Variants in KDM6B observed in about 807,000 individuals in gnomAD.
KDM6B encodes lysine-specific demethylase 6B.
In KDM6B, 22 loss-of-function variants were observed where a neutral mutation model predicts 150.4. The observed-to-expected ratio is 0.15, with a 90% CI of 0.10 to 0.21. KDM6B has a LOEUF of 0.21. Ranked by LOEUF, KDM6B falls within the 10% of genes least tolerant of loss-of-function variation. KDM6B has a pLI of 1.00. For synonymous variants in KDM6B, 1,148 were observed against 921.1 expected, an observed-to-expected ratio of 1.25 and a Z score of -4.46; for missense variants, 1,984 against 2,234.3, an observed-to-expected ratio of 0.89 and a Z score of 2.26.
Position 7,851,727 on chromosome 17 carries a change from G to T in KDM6B, c.4096G>T (p.Val1366Leu). Residue 1366 changes from valine to leucine, a missense_variant, in exon 18 of 24, where the codon GTG becomes TTG. By Grantham distance (32) the Val-to-Leu change is conservative. Coordinates refer to ENST00000448097, the MANE Select transcript of KDM6B (RefSeq NM_001348716.2). ...VTSTGNMLSH[V>L]GHTILGMNTV... is the part of the protein sequence containing the mutation. ...ATCCACGGGCAACATGCTGAGCCAC[G>T]TGGGCCACACCATCCTGGGCATGAA... 6.4e-7 allele frequency: 1 copy of T among 1,558,894 alleles called. No individual in the cohort carries two copies.
chr17:7,840,475 C>T (rs55977787), intron 2 of KDM6B: 10,294 of 152,236 alleles, frequency 0.068, 691 homozygotes, highest in East Asian at 0.37. Context: ...CCAGCCACAG[C>T]AGTCTTGGCA....
intron 2 of KDM6B, among the ~76,000 whole-genome samples, chr17:7,842,462 G>A (rs1482482453): frequency 6.6e-6 from 1 of 152,230 alleles, no homozygotes; most frequent in Non-Finnish European, 1.5e-5. Context: ...CCTCTCGCCT[G>A]TCTTCGAGGA....
Position 7,843,918 on chromosome 17 carries a change from C to G in KDM6B, c.-268-983C>G, listed in dbSNP as rs1400072564. Among the ~76,000 whole-genome samples the G allele has an allele frequency of 6.6e-6, 1 of 150,946 alleles. No individual in the cohort carries two copies. Among genetic ancestry groups the G allele is most frequent in the African/African-American group, 2.5e-5 (1 of 40,742 alleles). The stretch of plus-strand genomic sequence containing the variant: ...GCGCTGTGCCAGTCGGGGGTCCAGT[C>G]GGCACCAAAGCGAAAGGGTGGGGGG... On this transcript the variant is annotated intron_variant, in intron 2 of 23. Coordinates refer to ENST00000448097, the MANE Select transcript of KDM6B (RefSeq NM_001348716.2). This position sits in a 1 kb window ranked among gnomAD's most constrained non-coding sequence, Gnocchi z 4.5.
intron 23 of KDM6B, 42 bp downstream of exon 23, chr17:7,853,422 G>A (rs1340233250): frequency 1.3e-6 from 2 of 1,531,744 alleles, no homozygotes; most frequent in African/African-American, 2.7e-5. Flanking sequence ...GGAGGGCACT[G>A]GGGCAGGCTG....
At chr17:7,846,042 A>ACCCCCCC in intron 6 of KDM6B, 36 bp from the exon 7 acceptor site, 3 of 1,373,142 alleles carry the variant, frequency 2.2e-6, no homozygotes, top group East Asian at 2.4e-5. Flanking sequence ...CTCAAGCCCA[A>ACCCCCCC]CCCCCACCCA....
At chr17:7,850,212 T>C (rs1176010273) in intron 14 of KDM6B, 35 bp downstream of exon 14, 5 of 1,558,670 alleles carry the variant, frequency 3.2e-6, no homozygotes, top group Non-Finnish European at 4.4e-6. Context: ...TAGGGAGGGC[T>C]ACAAGGGTCT....
In KDM6B at chr17:7,853,847, T is replaced by G; in HGVS notation, c.*326T>G. The G allele has an allele frequency of 1.2e-4, 21 of 182,360 alleles. No homozygotes were observed. Among genetic ancestry groups the G allele is most frequent in the Non-Finnish European group, 1.5e-4 (13 of 88,866 alleles). The allele number at this position is 182,360 out of a possible 1,614,324, so 11.3% of individuals were successfully genotyped here. On this transcript the variant is annotated 3_prime_UTR_variant, in exon 24 of 24. Coordinates refer to ENST00000448097, the MANE Select transcript of KDM6B (RefSeq NM_001348716.2). The stretch of plus-strand genomic sequence containing the variant: ...GGCGGCGGCGGGGGTCACATACGGG[T>G]TCCCTCACCCTGCCAGCCGCCCGCC...
chr17:7,852,653 G>A lies in KDM6B; in HGVS notation c.4610+17G>A, dbSNP rs367928488. The A allele has an allele frequency of 1.9e-6, 3 of 1,613,818 alleles. No homozygotes were observed. The Admixed American group carries it at 5.0e-5, about 27-fold the overall frequency. On this transcript the variant is annotated intron_variant, in intron 21 of 23. Coordinates refer to ENST00000448097, the MANE Select transcript of KDM6B (RefSeq NM_001348716.2). The stretch of plus-strand genomic sequence containing the variant: ...GATGATCAAGTGAGGACCCTATTTG[G>A]GTGGGAGCCCACCTCCACTGACTGG...
chr17:7,844,511 C>T lies in KDM6B; in HGVS notation c.-268-390C>T, dbSNP rs1399575898. On this transcript the variant is annotated intron_variant, in intron 2 of 23. Coordinates refer to ENST00000448097, the MANE Select transcript of KDM6B (RefSeq NM_001348716.2). This position sits in a 1 kb window ranked among gnomAD's most constrained non-coding sequence, Gnocchi z 5.9. ...GCGCTCGGGGTAGGGAGGTCTGTCA[C>T]TGGGCGAGGTGAAGTGAGGAAGGGG... Among the ~76,000 whole-genome samples, 1 of 152,106 alleles carries T rather than the reference C, an allele frequency of 6.6e-6. No homozygotes were observed. Among genetic ancestry groups the T allele is most frequent in the African/African-American group, 2.4e-5 (1 of 41,416 alleles).
chr17:7,854,772 A>C lies in KDM6B; in HGVS notation c.*1251A>C. 1 of 348,736 alleles carries C rather than the reference A, an allele frequency of 2.9e-6. No homozygotes were observed. The highest frequency in any genetic ancestry group is 5.7e-5 in the East Asian group (1 of 17,536). 21.6% of individuals were successfully genotyped at this position (348,736 alleles called of 1,614,324 possible). ...GTGATTTTTGTGTGAGAATATTAAT[A>C]TTAAAAATAAACGGAGAAAAAAAAT... On this transcript the variant is annotated 3_prime_UTR_variant, in exon 24 of 24. Coordinates refer to ENST00000448097, the MANE Select transcript of KDM6B (RefSeq NM_001348716.2).
At chr17:7,838,592 A>C in intron 1 of KDM6B, among the ~76,000 whole-genome samples, 2 of 114,626 alleles carry the variant, frequency 1.7e-5, no homozygotes, top group Non-Finnish European at 1.8e-5. Context: ...TTGTCCAGAC[A>C]CCCCTCACAC....
At position 7,849,214 on chromosome 17, in the gene KDM6B, C is replaced by G; in HGVS notation, c.2926C>G (p.Gln976Glu). 6.3e-7 allele frequency: 1 copy of G among 1,592,244 alleles called. No homozygotes were observed. The highest frequency in any genetic ancestry group is 8.5e-7 in the Non-Finnish European group (1 of 1,169,654). Residue 976 changes from glutamine to glutamate, a missense_variant, in exon 12 of 24, where the codon CAG becomes GAG. Around this residue, in one of 13 missense-constraint regions of KDM6B, gnomAD observed 1,379 missense variants for 1,275.6 expected, o/e 1.08. Coordinates refer to ENST00000448097, the MANE Select transcript of KDM6B (RefSeq NM_001348716.2). The part of the protein sequence containing the change: ...AAVSGSCKRR[Q>E]KEHQKEHRRH... ...AGTGTCAGGCAGCTGTAAGCGGCGA[C>G]AGAAGGAGCATCAGAAGGAGCATCG...
Position 7,847,554 on chromosome 17 carries a change from T to A in KDM6B, c.1266T>A (p.Ala422=). The A allele has an allele frequency of 6.2e-7, 1 of 1,613,288 alleles. No individual in the cohort carries two copies. Among genetic ancestry groups the A allele is most frequent in the Non-Finnish European group, 8.5e-7 (1 of 1,179,920 alleles). Residue 422 remains alanine (A), a synonymous_variant, in exon 12 of 24, where the codon GCT becomes GCA. Transcript: ENST00000448097. ...GVEPNPGIPG[A]DHYQTPALEV... ...TGCTTCTACACTTGCAGCCCGGCGC[T>A]GACCATTACCAAACTCCCGCGCTGG...
chr17:7,849,520 G>A lies in KDM6B; in HGVS notation c.3232G>A (p.Ala1078Thr). ...CCCTGGAAAGAAGGCTCGGGAGGAAGCCCCAGGGCCACCGGGTGTCAGCCG... is the reference window on the plus strand; with the variant it reads ...CCCTGGAAAGAAGGCTCGGGAGGAAACCCCAGGGCCACCGGGTGTCAGCCG... Reference protein sequence around the residue: ...SVPGKKAREEAPGPPGVSRAD... With the variant: ...SVPGKKAREETPGPPGVSRAD... Residue 1078 changes from alanine to threonine, a missense_variant, in exon 12 of 24, where the codon GCC (alanine) becomes ACC (threonine). By Grantham distance (58) the Ala-to-Thr change is moderately conservative. Transcript: ENST00000448097. 1 of 1,612,864 alleles carries A rather than the reference G, an allele frequency of 6.2e-7. No individual in the cohort carries two copies.
Position 7,847,168 on chromosome 17 carries a change from C to A in KDM6B, c.973C>A (p.Pro325Thr). The A allele has an allele frequency of 6.2e-7, 1 of 1,606,312 alleles. No individual in the cohort carries two copies. The highest frequency in any genetic ancestry group is 8.5e-7 in the Non-Finnish European group (1 of 1,179,804). The change falls in exon 11 of 24, where the codon CCT becomes ACT. Residue 325 changes from proline to threonine, a missense_variant. By Grantham distance (38) the Pro-to-Thr change is conservative (BLOSUM62 -1). Around this residue, in one of 13 missense-constraint regions of KDM6B, gnomAD observed 1,379 missense variants for 1,275.6 expected, o/e 1.08. Coordinates refer to ENST00000448097, the MANE Select transcript of KDM6B (RefSeq NM_001348716.2). ...YPAPAYTAHP[P>T]GHRLVPAAPP... ...AGCTCCAGCGTACACCGCGCACCCC[C>A]CTGGCCACCGGCTGGTCCCGGCTGC...
At chr17:7,851,419 G>A in intron 16 of KDM6B, 25 bp downstream of exon 16, 1 of 1,614,158 alleles carries the variant, frequency 6.2e-7, no homozygotes, top group Middle Eastern at 1.6e-4. Context: ...TGCCCCTTCT[G>A]TTCCTGCTTC....
At position 7,853,643 on chromosome 17, in the gene KDM6B, C is replaced by G. The variant is rs1279925464; in HGVS notation, c.*122C>G. 1.2e-5 allele frequency: 7 copies of G among 580,414 alleles called. No homozygotes were observed. The highest frequency in any genetic ancestry group is 1.8e-5 in the Non-Finnish European group (7 of 393,870). 36.0% of individuals were successfully genotyped at this position (580,414 alleles called of 1,614,324 possible). A position where few individuals can be genotyped will look rare whatever the true frequency, so the allele number is the denominator to read the frequency against. ...GGGGGTCGGGCCCAGCCCTTCCACCCCATTGGCAGCTCCCCTCACTTAATT... is the reference window on the plus strand; with the variant it reads ...GGGGGTCGGGCCCAGCCCTTCCACCGCATTGGCAGCTCCCCTCACTTAATT... On this transcript the variant is annotated 3_prime_UTR_variant, in exon 24 of 24. Transcript: ENST00000448097.
At chr17:7,845,253 C>T (rs568953945) in intron 3 of KDM6B, 61 bp from the exon 4 acceptor site, 49 of 543,990 alleles carry the variant, frequency 9.0e-5, no homozygotes. Flanking sequence ...CCGCCCATCC[C>T]AGCCCCTGGG....
chr17:7,851,925 A>G, intron 18 of KDM6B, 26 bp from the exon 19 acceptor site: 2 of 1,611,456 alleles, frequency 1.2e-6, no homozygotes, highest in Non-Finnish European at 1.7e-6. Context: ...CTGGCCAGCC[A>G]TGCCGTTCTC....
Sources: gnomAD v4.1 joint callset for allele counts (sites outside exome capture counted in the v4.1 genomes callset) on GRCh38, gnomAD v4.1.1 for gene constraint, gnomAD v4.1.1 regional missense constraint, Gnocchi (gnomAD v3.1) non-coding constraint, MANE v1.5 for transcripts, NCBI Gene and HGNC (gene_info 2026-07-23, HGNC 2026-07-21) for gene names.